Variants in NCAM1 observed in about 807,000 individuals in gnomAD.
The protein encoded by NCAM1 is neural cell adhesion molecule 1, also known as antigen recognized by monoclonal antibody 5.1H11.
NCAM1 carries 14 observed loss-of-function variants against 109.8 expected under a neutral mutation model. That is an observed-to-expected ratio of 0.13 (90% CI 0.08 to 0.20). The LOEUF (loss-of-function observed/expected upper bound fraction) is 0.20. Ranked by LOEUF, NCAM1 falls within the 10% of genes least tolerant of loss-of-function variation. The probability of loss-of-function intolerance (pLI) is 1.00; values close to 1 mark genes in which losing one functional copy is unlikely to be tolerated. For synonymous variants in NCAM1, 418 were observed against 442.9 expected (o/e 0.94, Z 0.70); for missense variants, 774 against 1,109.9 (o/e 0.70, Z 4.30).
intron 17 of NCAM1, among the ~76,000 whole-genome samples, chr11:113,269,191 A>G (rs1334293940): frequency 6.6e-6 from 1 of 151,888 alleles, no homozygotes; most frequent in Non-Finnish European, 1.5e-5. Flanking sequence ...AATCGTAACC[A>G]TGGGTTGATC....
chr11:113,124,921 C>T (rs999756101), intron 1 of NCAM1, among the ~76,000 whole-genome samples: 2 of 152,150 alleles, frequency 1.3e-5, no homozygotes, highest in East Asian at 3.9e-4. Context: ...TGCTTGAGGC[C>T]GTCCGTCATT....
Position 113,204,275 on chromosome 11 carries a change from T to C in NCAM1, c.128-11T>C, listed in dbSNP as rs1555112428. On this transcript the variant is annotated splice_polypyrimidine_tract_variant and intron_variant, in intron 2 of 19. Transcript: ENST00000316851. ...ACTTCAGTAGCTTAAAAATAATCTC[T>C]TCCTCTTTAGTGGCAGGAGATGCCA... 1.3e-6 allele frequency: 2 copies of C among 1,597,988 alleles called. No individual in the cohort carries two copies. The highest frequency in any genetic ancestry group is 1.7e-5 in the Admixed American group (1 of 57,450).
At chr11:113,256,044 C>T in intron 16 of NCAM1, 43 bp downstream of exon 16, 2 of 1,567,790 alleles carry the variant, frequency 1.3e-6, no homozygotes, top group Middle Eastern at 3.3e-4. Context: ...CCCTGCAACC[C>T]TGGCACCCAG....
chr11:113,270,519 A>T, intron 18 of NCAM1, 124 bp downstream of exon 18: 2 of 880,324 alleles, frequency 2.3e-6, no homozygotes, highest in East Asian at 2.6e-5. Flanking sequence ...TCCATTTGGA[A>T]CCCTGATGGG....
At chr11:113,252,424 A>T (rs1287705849) in intron 15 of NCAM1, among the ~76,000 whole-genome samples, 2 of 150,400 alleles carry the variant, frequency 1.3e-5, no homozygotes, top group South Asian at 2.1e-4. Flanking sequence ...AAAAAAAAAA[A>T]GTCATAGGAA....
chr11:113,231,527 T>C lies in NCAM1; in HGVS notation c.1090-118T>C. 3 of 1,090,210 alleles carry C rather than the reference T, an allele frequency of 2.8e-6. No homozygotes were observed. In the South Asian group the frequency reaches 4.6e-5, roughly 17 times the overall value. The allele number at this position is 1,090,210 out of a possible 1,614,324, so 67.5% of individuals were successfully genotyped here. A position where few individuals can be genotyped will look rare whatever the true frequency, so the allele number is the denominator to read the frequency against. On this transcript the variant is annotated intron_variant, in intron 9 of 19. Transcript: ENST00000316851. The stretch of plus-strand genomic sequence containing the variant: ...ATTGACACAGAGAGGAGAGAGGAAG[T>C]GAGACGGGTCACAGACAAGTGATGG...
At chr11:113,232,637 A>G in intron 11 of NCAM1, 81 bp from the exon 12 acceptor site, 1 of 1,157,420 alleles carries the variant, frequency 8.6e-7, no homozygotes, top group Non-Finnish European at 1.3e-6. Context: ...GTTTTTTACT[A>G]ACTTAATTCA....
At chr11:113,191,145 A>T (rs1311588673) in intron 1 of NCAM1, among the ~76,000 whole-genome samples, 2 of 152,208 alleles carry the variant, frequency 1.3e-5, no homozygotes, top group Non-Finnish European at 2.9e-5. Flanking sequence ...CCCTGTTGGC[A>T]TCCACCACCA....
chr11:113,229,834 CA>C (rs1240493389), intron 9 of NCAM1, among the ~76,000 whole-genome samples: 9 of 150,732 alleles, frequency 6.0e-5, no homozygotes, highest in Admixed American at 6.0e-4. Flanking sequence ...ATCCCAAGGA[CA>C]AAAAACCAAA....
At chr11:113,147,594 G>A (rs1942065132) in intron 1 of NCAM1, among the ~76,000 whole-genome samples, 2 of 152,320 alleles carry the variant, frequency 1.3e-5, no homozygotes, top group South Asian at 4.1e-4. Context: ...AACGCAGATT[G>A]CAATTACAGT....
intron 9 of NCAM1, among the ~76,000 whole-genome samples, chr11:113,222,452 A>G (rs77674682): frequency 0.012 from 1,803 of 152,322 alleles, 37 homozygotes; most frequent in African/African-American, 0.041. Flanking sequence ...TCAGTTCATT[A>G]TAAACTTCCT....
At chr11:113,126,261 T>G (rs942775500) in intron 1 of NCAM1, among the ~76,000 whole-genome samples, 1 of 152,056 alleles carries the variant, frequency 6.6e-6, no homozygotes, top group Non-Finnish European at 1.5e-5. Flanking sequence ...ATAGCTGCCA[T>G]TTATTCAGTG....
chr11:113,242,776 T>C, intron 14 of NCAM1: 1 of 1,601,972 alleles, frequency 6.2e-7, no homozygotes, highest in Non-Finnish European at 8.6e-7. Flanking sequence ...CACCTTTCTT[T>C]GCCTTTTCTG....
At chr11:112,992,657 T>A (rs1432010672) in intron 1 of NCAM1, among the ~76,000 whole-genome samples, 1 of 151,876 alleles carries the variant, frequency 6.6e-6, no homozygotes, top group Non-Finnish European at 1.5e-5. Context: ...CCCGCCACCA[T>A]GCCCGGCTAA....
intron 1 of NCAM1, among the ~76,000 whole-genome samples, chr11:113,071,175 G>T (rs972441405): frequency 6.6e-6 from 1 of 152,082 alleles, no homozygotes; most frequent in Non-Finnish European, 1.5e-5. Context: ...TGGTATGACT[G>T]GAATAGATGA....
chr11:112,989,199 T>A (rs901214449), intron 1 of NCAM1, among the ~76,000 whole-genome samples: 3 of 152,220 alleles, frequency 2.0e-5, no homozygotes, highest in Non-Finnish European at 4.4e-5. Flanking sequence ...AGCTTTCTGG[T>A]CCCTTCTAGC....
intron 1 of NCAM1, among the ~76,000 whole-genome samples, chr11:113,031,197 T>C (rs1431615756): frequency 6.6e-6 from 1 of 152,180 alleles, no homozygotes; most frequent in Non-Finnish European, 1.5e-5. Context: ...TAGTTAAAAT[T>C]GAACTCATGG....
chr11:113,081,140 T>C (rs781946094), intron 1 of NCAM1, among the ~76,000 whole-genome samples: 10 of 152,174 alleles, frequency 6.6e-5, no homozygotes, highest in Non-Finnish European at 1.2e-4. Context: ...CTGATAAACA[T>C]TGGGGATGCC....
At chr11:112,993,041 C>T (rs1268947731) in intron 1 of NCAM1, among the ~76,000 whole-genome samples, 2 of 152,130 alleles carry the variant, frequency 1.3e-5, no homozygotes, top group Non-Finnish European at 1.5e-5. Flanking sequence ...TTTATGATTC[C>T]TCTGTTGGTT....
Sources: allele counts gnomAD v4.1 joint callset (sites outside exome capture counted in the v4.1 genomes callset), GRCh38; gene constraint gnomAD v4.1.1; transcripts MANE v1.5; gene names NCBI Gene and HGNC (gene_info 2026-07-23, HGNC 2026-07-21).